Variants in UBE2F observed in about 807,000 individuals in gnomAD.
UBE2F encodes NEDD8-conjugating enzyme UBE2F.
UBE2F carries 5 observed loss-of-function variants against 29.6 expected under a neutral mutation model. That is an observed-to-expected ratio of 0.17 (90% CI 0.09 to 0.36). The LOEUF (loss-of-function observed/expected upper bound fraction) is 0.36, where lower values mean the gene tolerates loss of function less well. UBE2F is among the 10% of genes least tolerant of loss of function. The probability of loss-of-function intolerance (pLI) is 1.00; values close to 1 mark genes in which losing one functional copy is unlikely to be tolerated. For missense variants in UBE2F, 141 were observed against 228.5 expected (o/e 0.62, Z 2.47); for synonymous variants, 66 against 81.8 (o/e 0.81, Z 1.04).
At chr2:237,988,316 C>T (rs11690668) in intron 3 of UBE2F, among the ~76,000 whole-genome samples, 130,460 of 151,888 alleles carry the variant, frequency 0.86, 56,180 homozygotes, top group East Asian at 0.97. Flanking sequence ...AGCATGGTGG[C>T]GCATGCCTGT....
intron 1 of UBE2F, among the ~76,000 whole-genome samples, chr2:237,968,245 T>C (rs1444052086): frequency 6.6e-6 from 1 of 152,134 alleles, no homozygotes; most frequent in African/African-American, 2.4e-5. Flanking sequence ...AGCTTAGTGC[T>C]GTGGGGCTTG....
rs2106313860 is a variant in UBE2F, at chr2:237,967,094, T to C, written c.-55T>C. ...CAGCCGCCCGGACCGGGCATGGTGT[T>C]GGGCGCCGGGCCCGCCTCGCCTGTC... On this transcript the variant is annotated 5_prime_UTR_variant, in exon 1 of 10. Coordinates refer to ENST00000272930, the MANE Select transcript of UBE2F (RefSeq NM_080678.3). This position sits in a 1 kb window ranked among gnomAD's most constrained non-coding sequence, Gnocchi z 6.3. 2.2e-6 allele frequency: 3 copies of C among 1,346,670 alleles called. No individual in the cohort carries two copies. The highest frequency in any genetic ancestry group is 6.4e-5 in the East Asian group (2 of 31,350). 83.4% of individuals were successfully genotyped at this position (1,346,670 alleles called of 1,614,324 possible).
chr2:238,036,901 C>T (rs944141300), intron 9 of UBE2F, among the ~76,000 whole-genome samples: 3 of 152,174 alleles, frequency 2.0e-5, no homozygotes, highest in Non-Finnish European at 4.4e-5. Flanking sequence ...TGACCCCCAG[C>T]GGCCCACCTT....
chr2:237,974,417 C>T (rs923623711), intron 2 of UBE2F, among the ~76,000 whole-genome samples: 5 of 151,454 alleles, frequency 3.3e-5, no homozygotes, highest in African/African-American at 1.2e-4. Context: ...CTTGAACTCC[C>T]CACCTCAGGT....
chr2:238,029,202 G>GC (rs2064509109), intron 6 of UBE2F: 1 of 151,698 alleles, frequency 6.6e-6, no homozygotes, highest in African/African-American at 2.4e-5. Context: ...CTGAGCATGG[G>GC]CCCCCCACCT....
chr2:237,990,210 CAAAT>C (rs1475772515), intron 3 of UBE2F, among the ~76,000 whole-genome samples: 1 of 144,822 alleles, frequency 6.9e-6, no homozygotes. Flanking sequence ...AAACAATAAA[CAAAT>C]AACTGTGGGG....
At chr2:237,998,008 G>A (rs1029306490) in intron 4 of UBE2F, among the ~76,000 whole-genome samples, 1 of 152,220 alleles carries the variant, frequency 6.6e-6, no homozygotes, top group Non-Finnish European at 1.5e-5. Context: ...GACCTGTTCA[G>A]TGAGTGGCCT....
chr2:238,036,563 G>A (rs1258698810), intron 9 of UBE2F, among the ~76,000 whole-genome samples: 6 of 152,098 alleles, frequency 3.9e-5, no homozygotes, highest in Admixed American at 2.0e-4. Context: ...GCATGGTGGC[G>A]TTGTGATTAC....
intron 2 of UBE2F, among the ~76,000 whole-genome samples, chr2:237,973,482 A>G (rs2063214631): frequency 6.6e-6 from 1 of 152,238 alleles, no homozygotes; most frequent in South Asian, 2.1e-4. Context: ...GTCTGCCAAA[A>G]TGCTAGCAGA....
Position 237,967,229 on chromosome 2 carries a change from G to T in UBE2F, c.-17+97G>T. ...GGGCGGAGGGCGCGGGCGGTGGCGG[G>T]GCCGCCTCGGGCCCGCCGGGTTCCT... On this transcript the variant is annotated intron_variant, in intron 1 of 9. Transcript: ENST00000272930. This position sits in a 1 kb window ranked among gnomAD's most constrained non-coding sequence, Gnocchi z 6.3. The T allele has an allele frequency of 1.2e-6, 1 of 821,578 alleles. No individual in the cohort carries two copies. The allele number at this position is 821,578 out of a possible 1,614,324, so 50.9% of individuals were successfully genotyped here.
At chr2:237,983,198 T>C (rs981104411) in intron 2 of UBE2F, among the ~76,000 whole-genome samples, 1 of 152,044 alleles carries the variant, frequency 6.6e-6, no homozygotes, top group African/African-American at 2.4e-5. Flanking sequence ...GCTCCCAGGG[T>C]TGTATTTAGT....
chr2:237,973,794 G>C lies in UBE2F; in HGVS notation c.118+569G>C. 9 of 849,486 alleles carry C rather than the reference G, an allele frequency of 1.1e-5. No individual in the cohort carries two copies. In the South Asian group the frequency reaches 1.5e-4, roughly 14 times the overall value. 52.6% of individuals were successfully genotyped at this position (849,486 alleles called of 1,614,324 possible). On this transcript the variant is annotated intron_variant, in intron 2 of 9. Coordinates refer to ENST00000272930, the MANE Select transcript of UBE2F (RefSeq NM_080678.3). Reference sequence around the variant, plus strand: ...GGAGAAGGGTTGGTAAAATGTATGAGAGTATGCGTGCATGCAGATATGCAT... The same window carrying C: ...GGAGAAGGGTTGGTAAAATGTATGACAGTATGCGTGCATGCAGATATGCAT...
intron 1 of UBE2F, among the ~76,000 whole-genome samples, chr2:237,971,454 C>T (rs1011356770): frequency 6.6e-6 from 1 of 152,222 alleles, no homozygotes. Flanking sequence ...TCCCAAGTAG[C>T]TGGGACTACA....
At chr2:237,972,541 A>ATTATTTTTTTTTT (rs1559197721) in intron 1 of UBE2F, among the ~76,000 whole-genome samples, 1 of 124,254 alleles carries the variant, frequency 8.0e-6, no homozygotes, top group African/African-American at 3.0e-5. Context: ...TTAATTTTAA[A>ATTATTTTTTTTTT]TTTTTTTTTT....
At chr2:237,994,616 C>G (rs892398890) in intron 3 of UBE2F, 128 bp from the exon 4 acceptor site, 52 of 684,372 alleles carry the variant, frequency 7.6e-5, no homozygotes, top group Middle Eastern at 2.7e-4. Flanking sequence ...GGAGGGAGAT[C>G]TACCAACTTT....
chr2:238,033,682 G>A (rs1272293614), intron 8 of UBE2F, among the ~76,000 whole-genome samples: 17 of 152,194 alleles, frequency 1.1e-4, no homozygotes, highest in Admixed American at 1.1e-3. Context: ...TCAGATGTTA[G>A]CTGGTGAATG....
In UBE2F at chr2:238,015,166, T is replaced by C. The variant is rs564481177; in HGVS notation, c.215-1400T>C. 2.0e-5 allele frequency among the ~76,000 whole-genome samples: 3 copies of C among 152,232 alleles called. No individual in the cohort carries two copies. In the East Asian group the frequency reaches 5.8e-4, roughly 29 times the overall value. Reference sequence around the variant, plus strand: ...AATCTTGGTTGGGAAAGGCCTTTTCTAAGCATGACCCCAAAGACAGAAACC... The same window carrying C: ...AATCTTGGTTGGGAAAGGCCTTTTCCAAGCATGACCCCAAAGACAGAAACC... On this transcript the variant is annotated intron_variant, in intron 4 of 9. Transcript: ENST00000272930.
At position 238,036,095 on chromosome 2, in the gene UBE2F, A is replaced by G. The variant is rs542634335; in HGVS notation, c.507+155A>G. Among the ~76,000 whole-genome samples, 7 of 152,338 alleles carry G rather than the reference A, an allele frequency of 4.6e-5. No individual in the cohort carries two copies. In the South Asian group the frequency reaches 1.4e-3, roughly 32 times the overall value. On this transcript the variant is annotated intron_variant, in intron 9 of 9. Coordinates refer to ENST00000272930, the MANE Select transcript of UBE2F (RefSeq NM_080678.3). The stretch of plus-strand genomic sequence containing the variant: ...CAATTTGTAAACAATATGGTATAGT[A>G]AATGTGTGTAACCTCAGGAAAATGC...
At chr2:238,014,666 T>G (rs2064115337) in intron 4 of UBE2F, among the ~76,000 whole-genome samples, 1 of 152,210 alleles carries the variant, frequency 6.6e-6, no homozygotes, top group African/African-American at 2.4e-5. Flanking sequence ...TGAAGCAGCA[T>G]CATCCAAAAG....
Sources: gnomAD v4.1 joint callset for allele counts (sites outside exome capture counted in the v4.1 genomes callset) on GRCh38, gnomAD v4.1.1 for gene constraint, Gnocchi (gnomAD v3.1) non-coding constraint, MANE v1.5 for transcripts, NCBI Gene and HGNC (gene_info 2026-07-23, HGNC 2026-07-21) for gene names.